Variants in WASHC4 observed in about 807,000 individuals in gnomAD.
WASHC4 encodes WASH complex subunit 7.
A neutral mutation model predicts 166.6 loss-of-function variants in WASHC4; 86 were observed. The ratio of observed to expected loss-of-function variants is 0.52; its 90% confidence interval spans 0.43 to 0.62. The LOEUF (loss-of-function observed/expected upper bound fraction) is 0.62, where lower values mean the gene tolerates loss of function less well. WASHC4 is among the 20% of genes least tolerant of loss of function. The pLI is 0.00. For missense variants in WASHC4, 1,262 were observed against 1,382.4 expected (o/e 0.91, Z 1.38); for synonymous variants, 446 against 451.6 (o/e 0.99, Z 0.16).
At chr12:105,137,539 A>C (rs1882432686) in intron 14 of WASHC4, among the ~76,000 whole-genome samples, 1 of 152,214 alleles carries the variant, frequency 6.6e-6, no homozygotes, top group Admixed American at 6.5e-5. Flanking sequence ...CTTCCCTGGC[A>C]GGTAAGATAA....
In WASHC4 at chr12:105,116,247, G is replaced by A. The variant is rs1404487797; in HGVS notation, c.435+519G>A. On this transcript the variant is annotated intron_variant, in intron 6 of 32. Transcript: ENST00000332180. ...GTGATAAAAATAGTGCATGTACGATGTGAAAAAGCAAAAATTGAAGCTAAG... is the reference window on the plus strand; with the variant it reads ...GTGATAAAAATAGTGCATGTACGATATGAAAAAGCAAAAATTGAAGCTAAG... Among the ~76,000 whole-genome samples, 5 of 152,210 alleles carry A rather than the reference G, an allele frequency of 3.3e-5. No individual in the cohort carries two copies. The East Asian group carries it at 9.7e-4, about 29-fold the overall frequency.
intron 28 of WASHC4, among the ~76,000 whole-genome samples, chr12:105,159,528 G>A (rs914886135): frequency 2.0e-5 from 3 of 152,204 alleles, no homozygotes; most frequent in Non-Finnish European, 4.4e-5. Context: ...CTTTCTTACA[G>A]TGGTGGAGGA....
In WASHC4 at chr12:105,135,494, TAA is replaced by T. The variant is rs1882235518; in HGVS notation, c.1326+1601_1326+1602del. On this transcript the variant is annotated intron_variant, in intron 14 of 32. Coordinates refer to ENST00000332180, the MANE Select transcript of WASHC4 (RefSeq NM_015275.3). ...AAGTCAACTGTAGGTTTGTTGCTTC[TAA>T]AATATGTATCTTTCTTTACTTTTTG... Among the ~76,000 whole-genome samples, 6 of 152,106 alleles carry T rather than the reference TAA, an allele frequency of 3.9e-5. No individual in the cohort carries two copies. In the South Asian group the frequency reaches 1.2e-3, roughly 31 times the overall value.
At chr12:105,135,181 T>C (rs1301663102) in intron 14 of WASHC4, among the ~76,000 whole-genome samples, 1 of 152,054 alleles carries the variant, frequency 6.6e-6, no homozygotes, top group Non-Finnish European at 1.5e-5. Flanking sequence ...TTATCGCTAT[T>C]GTTGTTTTTA....
chr12:105,159,925 A>G (rs746879015), intron 28 of WASHC4, 76 bp from the exon 29 acceptor site: 1 of 1,338,308 alleles, frequency 7.5e-7, no homozygotes, highest in Non-Finnish European at 1.1e-6. Context: ...GTTCTTATCT[A>G]AACTATTGAG....
intron 13 of WASHC4, among the ~76,000 whole-genome samples, chr12:105,131,356 G>A (rs1881803566): frequency 6.6e-6 from 1 of 152,088 alleles, no homozygotes; most frequent in South Asian, 2.1e-4. Flanking sequence ...AAAGTGCTGG[G>A]ATTACAGGCG....
At position 105,141,041 on chromosome 12, in the gene WASHC4, A is replaced by C. The variant is rs531620619; in HGVS notation, c.1703A>C (p.Gln568Pro). 1 of 1,614,190 alleles carries C rather than the reference A, an allele frequency of 6.2e-7. No individual in the cohort carries two copies. Among genetic ancestry groups the C allele is most frequent in the South Asian group, 1.1e-5 (1 of 91,082 alleles). Residue 568 changes from glutamine (Q) to proline (P), a missense_variant, in exon 17 of 33, where the codon CAA becomes CCA. Coordinates refer to ENST00000332180, the MANE Select transcript of WASHC4 (RefSeq NM_015275.3). ...TCTTTGGCACTAAGTGTTGGCACAC[A>C]AATGGTAAGTGTATTGCTATTACTT... Reference protein sequence around the residue: ...IVSLALSVGTQMKTFKDEELF... With the variant: ...IVSLALSVGTPMKTFKDEELF...
intron 32 of WASHC4, 85 bp from the exon 33 acceptor site, chr12:105,166,779 G>C: frequency 1.1e-6 from 1 of 906,610 alleles, no homozygotes; most frequent in Non-Finnish European, 1.8e-6. Context: ...TGGCAATACA[G>C]CTCTTCTCAA....
At chr12:105,129,842 A>G (rs755604) in intron 13 of WASHC4, among the ~76,000 whole-genome samples, 25,809 of 152,268 alleles carry the variant, frequency 0.17, 2,438 homozygotes, top group East Asian at 0.25. Context: ...TGCCAACATC[A>G]TGAAGCTCTC....
At chr12:105,118,685 T>G (rs1880423531) in intron 7 of WASHC4, among the ~76,000 whole-genome samples, 157 bp downstream of exon 7, 1 of 152,238 alleles carries the variant, frequency 6.6e-6, no homozygotes, top group Non-Finnish European at 1.5e-5. Flanking sequence ...CGTAGGTTAG[T>G]AAGATGCAGT....
In WASHC4 at chr12:105,160,052, A is replaced by G. The variant is rs759914207; in HGVS notation, c.2964A>G (p.Thr988=). The change falls in exon 29 of 33, where the codon ACA becomes ACG. Residue 988 remains threonine (T), a synonymous_variant. Transcript: ENST00000332180. ...SDHTRNSAEG[T]EYFKMLVDVF... The stretch of plus-strand genomic sequence containing the variant: ...ACACACGAAATTCTGCCGAAGGCAC[A>G]GAATATTTCAAAATGCTTGTAGACG... 9 of 1,614,050 alleles carry G rather than the reference A, an allele frequency of 5.6e-6. No homozygotes were observed. In the South Asian group the frequency reaches 9.9e-5, roughly 18 times the overall value.
Position 105,146,941 on chromosome 12 carries a change from G to A in WASHC4, c.2410-101G>A, listed in dbSNP as rs1392580516. ...TCTTGATTGCATTTTCAATTAAATT[G>A]TCTTTAATGAAATAGATTCTAAAAT... is the stretch of plus-strand genomic sequence containing the variant. On this transcript the variant is annotated intron_variant, in intron 23 of 32. Transcript: ENST00000332180. 1.9e-5 allele frequency: 14 copies of A among 742,626 alleles called. No individual in the cohort carries two copies. In the Admixed American group the frequency reaches 2.3e-4, roughly 12 times the overall value. 46.0% of individuals were successfully genotyped at this position (742,626 alleles called of 1,614,324 possible). A position where few individuals can be genotyped will look rare whatever the true frequency, so the allele number is the denominator to read the frequency against.
intron 18 of WASHC4, 112 bp downstream of exon 18, chr12:105,141,358 C>T (rs1882834175): frequency 1.2e-6 from 1 of 835,288 alleles, no homozygotes; most frequent in South Asian, 1.3e-5. Flanking sequence ...AGCATTAGTT[C>T]CTTTCTGTAA....
At chr12:105,137,307 A>G (rs1381064793) in intron 14 of WASHC4, among the ~76,000 whole-genome samples, 2 of 152,198 alleles carry the variant, frequency 1.3e-5, no homozygotes, top group Non-Finnish European at 2.9e-5. Context: ...GAAGGAGAGA[A>G]AGCCTAATGC....
At chr12:105,122,947 AAACGAAAAG>A (rs1186677471) in intron 10 of WASHC4, among the ~76,000 whole-genome samples, 3 of 152,222 alleles carry the variant, frequency 2.0e-5, no homozygotes, top group Non-Finnish European at 4.4e-5. Context: ...CTAAGTGTTC[AAACGAAAAG>A]AAGAGTTTCA....
chr12:105,127,002 AT>A (rs1214127531), intron 12 of WASHC4, 126 bp from the exon 13 acceptor site: 2 of 762,204 alleles, frequency 2.6e-6, no homozygotes, highest in Non-Finnish European at 4.5e-6. Context: ...TAATATATTA[AT>A]AAGTATTTTT....
Position 105,124,118 on chromosome 12 carries a change from C to CT in WASHC4, c.787-1869dup, listed in dbSNP as rs544937988. Among the ~76,000 whole-genome samples the CT allele has an allele frequency of 3.9e-3, 541 of 138,944 alleles. 1 individual carries two copies. Among genetic ancestry groups the CT allele is most frequent in the African/African-American group, 6.2e-3 (237 of 38,170 alleles). The allele number at this position is 138,944 out of a possible 152,430, so 91.2% of individuals were successfully genotyped here. ...ATACTATAGTATAGTGTAAATATAA[C>CT]TTTTTTTTTTTTTTTTTCGAGACGG... is the stretch of plus-strand genomic sequence containing the variant. On this transcript the variant is annotated intron_variant, in intron 10 of 32. Transcript: ENST00000332180.
intron 15 of WASHC4, among the ~76,000 whole-genome samples, chr12:105,138,776 T>A (rs1360589191): frequency 6.6e-6 from 1 of 152,180 alleles, no homozygotes; most frequent in Non-Finnish European, 1.5e-5. Context: ...TTAGATTTAT[T>A]TTTTATGAAC....
chr12:105,147,995 A>C (rs1883452315), intron 24 of WASHC4: 2 of 985,246 alleles, frequency 2.0e-6, no homozygotes, highest in African/African-American at 3.5e-5. Flanking sequence ...GTGGAAAAAG[A>C]GAAGTCTTTG....
Sources: gnomAD v4.1 joint callset for allele counts (sites outside exome capture counted in the v4.1 genomes callset) on GRCh38, gnomAD v4.1.1 for gene constraint, MANE v1.5 for transcripts, NCBI Gene and HGNC (gene_info 2026-07-23, HGNC 2026-07-21) for gene names.